Variants in XKR4 observed in about 807,000 individuals in gnomAD.
XKR4 encodes the protein XK-related protein 4.
XKR4 carries 12 observed loss-of-function variants against 53.9 expected under a neutral mutation model. The ratio of observed to expected loss-of-function variants is 0.22; its 90% CI spans 0.14 to 0.36. The LOEUF is 0.36. Ranked by LOEUF, XKR4 falls within the 10% of genes least tolerant of loss-of-function variation. XKR4 has a pLI of 1.00. For synonymous variants in XKR4, 354 were observed against 362.4 expected, an observed-to-expected ratio of 0.98 and a Z score of 0.26; for missense variants, 799 against 859.5, an observed-to-expected ratio of 0.93 and a Z score of 0.88.
intron 1 of XKR4, among the ~76,000 whole-genome samples, chr8:55,210,548 C>T (rs899625273): frequency 6.6e-6 from 1 of 152,106 alleles, no homozygotes; most frequent in Non-Finnish European, 1.5e-5. Flanking sequence ...AATAAAATGG[C>T]AGGTTTGTAA....
intron 1 of XKR4, among the ~76,000 whole-genome samples, chr8:55,322,607 G>A (rs542147898): frequency 2.0e-5 from 3 of 152,242 alleles, no homozygotes; most frequent in African/African-American, 7.2e-5. Flanking sequence ...GAGAAGACGA[G>A]TTCTCTTGCT....
chr8:55,112,313 T>C (rs1439249441), intron 1 of XKR4, among the ~76,000 whole-genome samples: 1 of 152,134 alleles, frequency 6.6e-6, no homozygotes, highest in East Asian at 1.9e-4. Flanking sequence ...TGAGTAACGA[T>C]GAGTCAAATA....
chr8:55,226,388 G>A (rs73600929), intron 1 of XKR4, among the ~76,000 whole-genome samples: 3,349 of 152,280 alleles, frequency 0.022, 136 homozygotes, highest in African/African-American at 0.075. Flanking sequence ...TTTGCTATGC[G>A]TGAAGTTAAA....
At chr8:55,304,988 C>T (rs1819272220) in intron 1 of XKR4, among the ~76,000 whole-genome samples, 2 of 151,878 alleles carry the variant, frequency 1.3e-5, no homozygotes, top group South Asian at 4.2e-4. Context: ...TAACTGAATT[C>T]AAAAATACTT....
chr8:55,173,816 A>C (rs1817195006), intron 1 of XKR4, among the ~76,000 whole-genome samples: 1 of 152,254 alleles, frequency 6.6e-6, no homozygotes, highest in Non-Finnish European at 1.5e-5. Flanking sequence ...GCTGGTGGGC[A>C]CAAGGGAAGG....
At chr8:55,465,325 A>C (rs1805746246) in intron 2 of XKR4, among the ~76,000 whole-genome samples, 1 of 152,084 alleles carries the variant, frequency 6.6e-6, no homozygotes, top group Non-Finnish European at 1.5e-5. Flanking sequence ...TCCCAGAAAT[A>C]ATGCCGCATA....
chr8:55,450,308 G>T, intron 2 of XKR4: 1 of 716,756 alleles, frequency 1.4e-6, no homozygotes. Context: ...CCCTCGGCCA[G>T]CATCTCCTCA....
At position 55,535,743 on chromosome 8, in the gene XKR4, A is replaced by T. The variant is rs1585623491; in HGVS notation, c.*11516A>T. ...CAGAGCAGAGAAGTTCAAAATAGTC[A>T]CAGCCAGTCCATAACTATAACAACA... is the stretch of plus-strand genomic sequence containing the variant. On this transcript the variant is annotated 3_prime_UTR_variant, in exon 3 of 3. Coordinates refer to ENST00000327381, the MANE Select transcript of XKR4 (RefSeq NM_052898.2). 6.6e-6 allele frequency: 1 copy of T among 152,198 alleles called. No individual in the cohort carries two copies. The highest frequency in any genetic ancestry group is 2.1e-4 in the South Asian group (1 of 4,828). 9.4% of individuals were successfully genotyped at this position (152,198 alleles called of 1,614,324 possible). A position where few individuals can be genotyped will look rare whatever the true frequency, so the allele number is the denominator to read the frequency against.
At position 55,180,655 on chromosome 8, in the gene XKR4, C is replaced by A. The variant is rs1205901789; in HGVS notation, c.806+77361C>A. 3.9e-5 allele frequency among the ~76,000 whole-genome samples: 6 copies of A among 152,110 alleles called. No individual in the cohort carries two copies. The East Asian group carries it at 5.8e-4, about 15-fold the overall frequency. The stretch of plus-strand genomic sequence containing the variant: ...CAAATGATTCTCCTGCCTCAGCCTC[C>A]CGAGCAGCTGGGATTACAGGCACCC... On this transcript the variant is annotated intron_variant, in intron 1 of 2. Coordinates refer to ENST00000327381, the MANE Select transcript of XKR4 (RefSeq NM_052898.2).
intron 1 of XKR4, among the ~76,000 whole-genome samples, chr8:55,226,022 C>T (rs1720505065): frequency 1.3e-5 from 2 of 152,158 alleles, no homozygotes; most frequent in African/African-American, 4.8e-5. Flanking sequence ...ACCAGGGTGC[C>T]CACTTTGCAT....
intron 1 of XKR4, among the ~76,000 whole-genome samples, chr8:55,245,189 G>A (rs367762630): frequency 1.3e-5 from 2 of 151,998 alleles, no homozygotes; most frequent in East Asian, 3.9e-4. Context: ...TTACAGGCAT[G>A]AGCCACCATG....
At chr8:55,223,841 T>C (rs1487893923) in intron 1 of XKR4, among the ~76,000 whole-genome samples, 1 of 152,114 alleles carries the variant, frequency 6.6e-6, no homozygotes, top group Non-Finnish European at 1.5e-5. Flanking sequence ...GTTTTGGACA[T>C]GGTAGGATTA....
intron 1 of XKR4, among the ~76,000 whole-genome samples, chr8:55,209,637 A>G (rs1817700719): frequency 6.6e-6 from 1 of 152,154 alleles, no homozygotes; most frequent in Non-Finnish European, 1.5e-5. Context: ...AGGAGGTCCC[A>G]TTGTGGTCCA....
chr8:55,505,092 TG>T (rs1806505683), intron 2 of XKR4, among the ~76,000 whole-genome samples: 1 of 152,108 alleles, frequency 6.6e-6, no homozygotes, highest in African/African-American at 2.4e-5. Context: ...CGGCAAGCTT[TG>T]TGTTTAGTTT....
At chr8:55,351,397 A>G (rs1332958175) in intron 1 of XKR4, among the ~76,000 whole-genome samples, 5 of 152,196 alleles carry the variant, frequency 3.3e-5, no homozygotes, top group Admixed American at 2.0e-4. Context: ...TGTGAGCTCA[A>G]GGTGCTATAA....
At position 55,147,745 on chromosome 8, in the gene XKR4, A is replaced by G. The variant is rs75897172; in HGVS notation, c.806+44451A>G. 4.6e-3 allele frequency among the ~76,000 whole-genome samples: 701 copies of G among 152,358 alleles called. 7 individuals are homozygous for G. Among genetic ancestry groups the G allele is most frequent in the African/African-American group, 0.015 (627 of 41,588 alleles). On this transcript the variant is annotated intron_variant, in intron 1 of 2. Transcript: ENST00000327381. ...CATAAATTACCAATGATGCACGAGAAGTAAAATCTCATCTTTGAAGCTTTG... is the reference window on the plus strand; with the variant it reads ...CATAAATTACCAATGATGCACGAGAGGTAAAATCTCATCTTTGAAGCTTTG...
chr8:55,505,836 GA>G (rs1262368171), intron 2 of XKR4, among the ~76,000 whole-genome samples: 2 of 152,310 alleles, frequency 1.3e-5, no homozygotes, highest in African/African-American at 2.4e-5. Context: ...TGAACAACCT[GA>G]TTTTTAAAAA....
At chr8:55,381,376 T>G (rs978332619) in intron 2 of XKR4, among the ~76,000 whole-genome samples, 1 of 152,206 alleles carries the variant, frequency 6.6e-6, no homozygotes, top group Non-Finnish European at 1.5e-5. Flanking sequence ...GGAAATTGGC[T>G]CACACAATTA....
chr8:55,470,512 G>A (rs1228581638), intron 2 of XKR4, among the ~76,000 whole-genome samples: 1 of 152,128 alleles, frequency 6.6e-6, no homozygotes. Flanking sequence ...TGATTGTGAG[G>A]CCTCCCCACT....
Sources: gnomAD v4.1 joint callset for allele counts (sites outside exome capture counted in the v4.1 genomes callset) on GRCh38, gnomAD v4.1.1 for gene constraint, MANE v1.5 for transcripts, NCBI Gene and HGNC (gene_info 2026-07-23, HGNC 2026-07-21) for gene names.